The following COLEC10 variants were observed in gnomAD, a reference collection of about 807,000 sequenced individuals.
The protein encoded by COLEC10 is collectin subfamily member 10, also known as collectin-10.
COLEC10 carries 22 observed loss-of-function variants against 28.4 expected under a neutral mutation model. The ratio of observed to expected loss-of-function variants is 0.78; its 90% CI spans 0.55 to 1.11. The LOEUF is 1.11. Among genes scored for constraint, COLEC10 ranks in the 50% least tolerant of loss-of-function variants. The pLI is 0.00. For synonymous variants in COLEC10, 125 were observed against 116.1 expected, an observed-to-expected ratio of 1.08 and a Z score of -0.49; for missense variants, 361 against 344.1, an observed-to-expected ratio of 1.05 and a Z score of -0.39.
chr8:119,038,092 C>A (rs866617940), intron 2 of COLEC10, among the ~76,000 whole-genome samples: 1 of 152,156 alleles, frequency 6.6e-6, no homozygotes, highest in South Asian at 2.1e-4. Context: ...GGAGAAGCAG[C>A]AAGAAAGTTG....
chr8:119,078,331 G>A (rs1815296592), intron 1 of COLEC10, among the ~76,000 whole-genome samples: 1 of 152,152 alleles, frequency 6.6e-6, no homozygotes. Flanking sequence ...TAAACCAGAG[G>A]AGCCAGTGGA....
chr8:118,963,074 G>A, the COLEC10 span, among the ~76,000 whole-genome samples: 2 of 152,114 alleles, frequency 1.3e-5, no homozygotes, highest in Non-Finnish European at 2.9e-5. Flanking sequence ...AGCATGCAGA[G>A]GGGGAAGGGA....
At chr8:118,967,754 C>T in the COLEC10 span, among the ~76,000 whole-genome samples, 3 of 151,954 alleles carry the variant, frequency 2.0e-5, no homozygotes, top group East Asian at 5.8e-4. Context: ...AACCTAAGAT[C>T]CATATGGGAT....
chr8:119,055,989 T>A (rs1174027191), intron 2 of COLEC10, among the ~76,000 whole-genome samples: 2 of 152,074 alleles, frequency 1.3e-5, no homozygotes, highest in African/African-American at 2.4e-5. Flanking sequence ...ACTCCACGTA[T>A]CCAAGATTCA....
At chr8:119,104,428 C>T (rs1460045008) in intron 5 of COLEC10, among the ~76,000 whole-genome samples, 1 of 152,032 alleles carries the variant, frequency 6.6e-6, no homozygotes, top group East Asian at 1.9e-4. Flanking sequence ...TCTCTGACTC[C>T]TCTATCCACA....
the COLEC10 span, among the ~76,000 whole-genome samples, chr8:118,952,626 CAG>C: frequency 6.6e-6 from 1 of 152,208 alleles, no homozygotes; most frequent in Non-Finnish European, 1.5e-5. Flanking sequence ...AGAGAATCTG[CAG>C]AGTGAAAATT....
the COLEC10 span, among the ~76,000 whole-genome samples, chr8:118,953,854 GCCTAA>G: frequency 6.6e-6 from 1 of 152,100 alleles, no homozygotes; most frequent in Admixed American, 6.5e-5. Context: ...CAGACTAGTT[GCCTAA>G]CCTATTTTTG....
At chr8:119,015,986 G>A (rs1813984702) in intron 2 of COLEC10, among the ~76,000 whole-genome samples, 1 of 152,130 alleles carries the variant, frequency 6.6e-6, no homozygotes, top group South Asian at 2.1e-4. Flanking sequence ...ATGACAATAG[G>A]TATGCTATCA....
intron 3 of COLEC10, among the ~76,000 whole-genome samples, chr8:119,091,515 A>G (rs1815595115): frequency 6.6e-6 from 1 of 151,562 alleles, no homozygotes; most frequent in East Asian, 1.9e-4. Context: ...TGATCACACC[A>G]CTGCAATCCA....
chr8:119,097,762 A>C lies in COLEC10; in HGVS notation c.293-4586A>C, dbSNP rs568824740. Among the ~76,000 whole-genome samples, 27 of 152,224 alleles carry C rather than the reference A, an allele frequency of 1.8e-4. No individual in the cohort carries two copies. In the South Asian group the frequency reaches 3.1e-3, roughly 18 times the overall value. ...AAATTTCTGAGATGCAGCTATGCTA[A>C]ATGTGATTAAGATCTCATGTATTGC... On this transcript the variant is annotated intron_variant, in intron 3 of 5. Coordinates refer to ENST00000332843, the MANE Select transcript of COLEC10 (RefSeq NM_006438.5).
At chr8:119,006,815 T>C (rs1344615550) in intron 1 of COLEC10, among the ~76,000 whole-genome samples, 1 of 152,098 alleles carries the variant, frequency 6.6e-6, no homozygotes, top group Admixed American at 6.6e-5. Flanking sequence ...CTCCACTGGG[T>C]AAATTCTCCT....
At chr8:118,977,740 G>A in the COLEC10 span, among the ~76,000 whole-genome samples, 1 of 141,372 alleles carries the variant, frequency 7.1e-6, no homozygotes, top group Non-Finnish European at 1.5e-5. Flanking sequence ...AAAACTTAAA[G>A]TATAATAATA....
At chr8:119,062,093 T>C (rs2465371) in intron 2 of COLEC10, among the ~76,000 whole-genome samples, 40,056 of 151,920 alleles carry the variant, frequency 0.26, 5,936 homozygotes, top group East Asian at 0.66. Context: ...GTACTATGTG[T>C]CCCTGCTGTG....
intron 1 of COLEC10, among the ~76,000 whole-genome samples, chr8:119,070,680 A>G (rs902775493): frequency 6.7e-6 from 1 of 149,626 alleles, no homozygotes; most frequent in African/African-American, 2.5e-5. Context: ...TCTGACCTCT[A>G]GTGGTCTCCC....
intron 1 of COLEC10, among the ~76,000 whole-genome samples, chr8:119,088,854 CTA>C (rs958412183): frequency 6.6e-6 from 1 of 152,180 alleles, no homozygotes; most frequent in Non-Finnish European, 1.5e-5. Context: ...CCCAGGTGTT[CTA>C]TGTCTGTTGT....
intron 2 of COLEC10, among the ~76,000 whole-genome samples, chr8:119,054,688 T>C (rs1814733482): frequency 6.6e-6 from 1 of 152,106 alleles, no homozygotes. Context: ...TATTCTGGAA[T>C]GATGCCTCTG....
intron 2 of COLEC10, among the ~76,000 whole-genome samples, chr8:119,019,521 C>T (rs1188572842): frequency 1.3e-5 from 2 of 152,118 alleles, no homozygotes; most frequent in Middle Eastern, 3.2e-3. Context: ...ATCATGCCCC[C>T]ACCACCCCAC....
chr8:119,094,756 C>T (rs1815677263), intron 3 of COLEC10, among the ~76,000 whole-genome samples: 1 of 152,160 alleles, frequency 6.6e-6, no homozygotes, highest in Non-Finnish European at 1.5e-5. Flanking sequence ...GTTAGAACTC[C>T]AGAAATACTA....
At chr8:119,000,917 TA>T (rs58406851) in intron 1 of COLEC10, among the ~76,000 whole-genome samples, 39,324 of 151,926 alleles carry the variant, frequency 0.26, 5,508 homozygotes, top group East Asian at 0.52. Context: ...AAGTCAACCA[TA>T]AATGCAGAGG....
Sources: allele counts gnomAD v4.1 joint callset (sites outside exome capture counted in the v4.1 genomes callset), GRCh38; gene constraint gnomAD v4.1.1; transcripts MANE v1.5; gene names NCBI Gene and HGNC (gene_info 2026-07-23, HGNC 2026-07-21).